SMYD3: variants seen among roughly 807,000 people sequenced by gnomAD.
The protein encoded by SMYD3 is SET and MYND domain containing 3.
In SMYD3, 36 loss-of-function variants were observed where a neutral mutation model predicts 57.7. That is an observed-to-expected ratio of 0.62 (90% confidence interval 0.48 to 0.82). The LOEUF is 0.82. Among genes scored for constraint, SMYD3 ranks in the 40% least tolerant of loss-of-function variants. The pLI, the probability that SMYD3 is intolerant of heterozygous loss-of-function variation, is 0.00. For synonymous variants in SMYD3, 211 were observed against 195.0 expected, an observed-to-expected ratio of 1.08 and a Z score of -0.68; for missense variants, 515 against 538.8, an observed-to-expected ratio of 0.96 and a Z score of 0.44.
chr1:246,120,918 G>A (rs1286966734), intron 5 of SMYD3, among the ~76,000 whole-genome samples: 3 of 152,170 alleles, frequency 2.0e-5, no homozygotes, highest in South Asian at 2.1e-4. Flanking sequence ...TACACCACCT[G>A]CTCAATCAGT....
At chr1:246,247,503 C>A (rs1572274478) in intron 5 of SMYD3, among the ~76,000 whole-genome samples, 1 of 144,188 alleles carries the variant, frequency 6.9e-6, no homozygotes, top group Non-Finnish European at 1.5e-5. Context: ...ACATGGGACT[C>A]ATATATATAT....
In SMYD3 at chr1:245,863,895, G is replaced by A. The variant is rs772864668; in HGVS notation, c.814-9C>T. Reference sequence around the variant, plus strand: ...GTTAGCATATCAGCATCCTGCTCAGGCCAGAAAAGGAAGACAAATAATCTA... The same window carrying A: ...GTTAGCATATCAGCATCCTGCTCAGACCAGAAAAGGAAGACAAATAATCTA... On this transcript the variant is annotated splice_polypyrimidine_tract_variant and intron_variant, in intron 8 of 11. Transcript: ENST00000490107. 22 of 1,613,036 alleles carry A rather than the reference G, an allele frequency of 1.4e-5. No homozygotes were observed. The highest frequency in any genetic ancestry group is 1.8e-5 in the Non-Finnish European group (21 of 1,179,226).
Position 246,324,137 on chromosome 1 carries a change from G to A in SMYD3, c.531+3064C>T, listed in dbSNP as rs1015907113. 7.2e-5 allele frequency among the ~76,000 whole-genome samples: 11 copies of A among 152,228 alleles called. 1 individual carries two copies. The South Asian group carries it at 8.3e-4, about 11-fold the overall frequency. Reference sequence around the variant, plus strand: ...AAAATTAGATGGTCTAAAACTGGCCGGGTGCGGTAGCTCACGTCTGTAATC... The same window carrying A: ...AAAATTAGATGGTCTAAAACTGGCCAGGTGCGGTAGCTCACGTCTGTAATC... On this transcript the variant is annotated intron_variant, in intron 5 of 11. Transcript: ENST00000490107.
At chr1:246,080,893 G>C (rs1231698110) in intron 5 of SMYD3, among the ~76,000 whole-genome samples, 1 of 152,196 alleles carries the variant, frequency 6.6e-6, no homozygotes. Flanking sequence ...CAGTAGCTAA[G>C]AATGGACGAA....
chr1:246,373,397 A>T (rs1311882454), intron 1 of SMYD3, among the ~76,000 whole-genome samples: 1 of 152,206 alleles, frequency 6.6e-6, no homozygotes, highest in Non-Finnish European at 1.5e-5. Flanking sequence ...AGTAAACACA[A>T]ATATATACTT....
chr1:245,761,932 C>T (rs2045862746), intron 11 of SMYD3, among the ~76,000 whole-genome samples: 1 of 151,792 alleles, frequency 6.6e-6, no homozygotes. Context: ...ATTTCAGGCA[C>T]CCGTTATCAT....
chr1:246,089,496 C>A (rs533790064), intron 5 of SMYD3, among the ~76,000 whole-genome samples: 18 of 152,090 alleles, frequency 1.2e-4, no homozygotes, highest in African/African-American at 1.7e-4. Flanking sequence ...CTATTTCGAG[C>A]CAGAATAGCT....
At chr1:246,013,381 T>C (rs1053271463) in intron 5 of SMYD3, among the ~76,000 whole-genome samples, 1 of 152,102 alleles carries the variant, frequency 6.6e-6, no homozygotes, top group African/African-American at 2.4e-5. Context: ...GGCTTCACCA[T>C]GTTGTCCAGG....
rs1027591524 is a variant in SMYD3, at chr1:246,471,383, G to T, written c.164+35671C>A. Among the ~76,000 whole-genome samples the T allele has an allele frequency of 5.3e-5, 8 of 152,032 alleles. 1 individual carries two copies. The highest frequency in any genetic ancestry group is 2.6e-4 in the Admixed American group (4 of 15,262). On this transcript the variant is annotated intron_variant, in intron 1 of 11. Coordinates refer to ENST00000490107, the MANE Select transcript of SMYD3 (RefSeq NM_001167740.2). ...CCAGTTAATTCTGTTTTTTTGTAGA[G>T]ACAGGGTCTTGCCATGTTGCCCAGC... is the stretch of plus-strand genomic sequence containing the variant.
chr1:246,243,146 A>G (rs1431966446), intron 5 of SMYD3, among the ~76,000 whole-genome samples: 8 of 152,162 alleles, frequency 5.3e-5, no homozygotes, highest in Admixed American at 6.5e-5. Context: ...TCAACAGAAT[A>G]TACATTCTTC....
chr1:246,495,985 A>G (rs1258831536), intron 1 of SMYD3, among the ~76,000 whole-genome samples: 3 of 151,234 alleles, frequency 2.0e-5, no homozygotes, highest in Admixed American at 2.0e-4. Context: ...TAATAATAAT[A>G]ATATTCCTTT....
chr1:245,808,930 T>C (rs1394471281), intron 10 of SMYD3, among the ~76,000 whole-genome samples: 1 of 151,980 alleles, frequency 6.6e-6, no homozygotes, highest in East Asian at 1.9e-4. Context: ...ACCTGGCTAA[T>C]GTTTGTATTT....
intron 1 of SMYD3, among the ~76,000 whole-genome samples, chr1:246,473,373 C>CA (rs1558480881): frequency 2.0e-5 from 3 of 151,464 alleles, no homozygotes; most frequent in Non-Finnish European, 4.4e-5. Context: ...TTTTGAAATT[C>CA]AAAAAAAATG....
intron 11 of SMYD3, among the ~76,000 whole-genome samples, chr1:245,760,637 C>T (rs893615912): frequency 6.6e-6 from 1 of 152,074 alleles, no homozygotes. Context: ...CAGAACTTGC[C>T]GTATTGGGGG....
chr1:246,282,535 A>C (rs1014442647), intron 5 of SMYD3, among the ~76,000 whole-genome samples: 1 of 98,046 alleles, frequency 1.0e-5, no homozygotes, highest in African/African-American at 3.6e-5. Flanking sequence ...TTAAAAAATA[A>C]AATTATTTGT....
intron 1 of SMYD3, among the ~76,000 whole-genome samples, chr1:246,445,376 A>G (rs540511433): frequency 4.9e-4 from 74 of 152,306 alleles, no homozygotes; most frequent in South Asian, 1.2e-3. Context: ...AAATGGAGAC[A>G]TATTTTCAAC....
chr1:245,890,279 CAAAGT>C (rs2053308480), intron 8 of SMYD3, among the ~76,000 whole-genome samples: 1 of 152,022 alleles, frequency 6.6e-6, no homozygotes, highest in Non-Finnish European at 1.5e-5. Flanking sequence ...AAACAATGAA[CAAAGT>C]AAAGAGACAA....
At chr1:245,812,831 G>T (rs556400994) in intron 10 of SMYD3, among the ~76,000 whole-genome samples, 7 of 151,896 alleles carry the variant, frequency 4.6e-5, no homozygotes, top group Admixed American at 2.6e-4. Flanking sequence ...CATTTATCAG[G>T]ATATAGTCAT....
At chr1:245,918,949 C>T (rs953676993) in intron 7 of SMYD3, among the ~76,000 whole-genome samples, 1 of 152,096 alleles carries the variant, frequency 6.6e-6, no homozygotes, top group Non-Finnish European at 1.5e-5. Flanking sequence ...CTTGACTAAC[C>T]CAAGACTTTA....
Sources: gnomAD v4.1 joint callset for allele counts (sites outside exome capture counted in the v4.1 genomes callset) on GRCh38, gnomAD v4.1.1 for gene constraint, MANE v1.5 for transcripts, NCBI Gene and HGNC (gene_info 2026-07-23, HGNC 2026-07-21) for gene names.